Variants in RANBP2 observed in about 807,000 individuals in gnomAD.
RANBP2 encodes RAN binding protein 2, also known as E3 SUMO-protein ligase RanBP2.
A neutral mutation model predicts 303.6 loss-of-function variants in RANBP2; 57 were observed. The ratio of observed to expected loss-of-function variants is 0.19; its 90% CI spans 0.15 to 0.23. RANBP2 has a LOEUF of 0.23. Ranked by LOEUF, RANBP2 falls within the 10% of genes least tolerant of loss-of-function variation. The pLI is 1.00. For synonymous variants in RANBP2, 1,167 were observed against 1,301.5 expected (o/e 0.90, Z 2.23); for missense variants, 3,138 against 3,780.8 (o/e 0.83, Z 4.46).
the RANBP2 span, among the ~76,000 whole-genome samples, chr2:109,308,199 T>C: frequency 9.8e-5 from 13 of 131,984 alleles, 1 homozygote; most frequent in Admixed American, 6.6e-4. Flanking sequence ...TTTCATGTGT[T>C]TTTTGGCTGC....
At chr2:109,148,318 C>T in the RANBP2 span, among the ~76,000 whole-genome samples, 3 of 152,258 alleles carry the variant, frequency 2.0e-5, no homozygotes, top group Admixed American at 2.0e-4. Flanking sequence ...CGGTGTGCTG[C>T]AGCCAGCCCA....
chr2:109,550,533 C>G, the RANBP2 span, among the ~76,000 whole-genome samples: 839 of 152,058 alleles, frequency 5.5e-3, 11 homozygotes, highest in South Asian at 0.056. Context: ...AGGCTGGTCT[C>G]AAACTCCTGA....
the RANBP2 span, among the ~76,000 whole-genome samples, chr2:109,116,288 C>T: frequency 6.6e-6 from 1 of 152,222 alleles, no homozygotes; most frequent in East Asian, 1.9e-4. Flanking sequence ...TAGATTTGGT[C>T]TTTTCACATA....
chr2:109,735,358 T>G, the RANBP2 span, among the ~76,000 whole-genome samples: 1 of 152,232 alleles, frequency 6.6e-6, no homozygotes, highest in South Asian at 2.1e-4. Flanking sequence ...TATGGCTGAA[T>G]AGTATTCTAC....
chr2:109,008,641 A>T, the RANBP2 span, among the ~76,000 whole-genome samples: 2 of 151,408 alleles, frequency 1.3e-5, no homozygotes, highest in Non-Finnish European at 2.9e-5. Context: ...GGTGGCTCAC[A>T]TCTGTAATCC....
At position 108,777,174 on chromosome 2, in the gene RANBP2, C is replaced by T; in HGVS notation, c.8542C>T (p.Leu2848Phe). Reference protein sequence around the residue: ...VSFGFGSSTGLSFADLASSNS... With the variant: ...VSFGFGSSTGFSFADLASSNS... ...ATTTGGATTTGGAAGTAGCACAGGGCTCTCATTTGCAGACTTGGCTTCCAG... is the reference window on the plus strand; with the variant it reads ...ATTTGGATTTGGAAGTAGCACAGGGTTCTCATTTGCAGACTTGGCTTCCAG... Residue 2848 changes from leucine (L) to phenylalanine (F), a missense_variant, in exon 25 of 29, where the codon CTC becomes TTC. Leu to Phe is a conservative substitution (Grantham distance 22). Coordinates refer to ENST00000283195, the MANE Select transcript of RANBP2 (RefSeq NM_006267.5). 3 of 1,613,546 alleles carry T rather than the reference C, an allele frequency of 1.9e-6. No homozygotes were observed. The highest frequency in any genetic ancestry group is 2.5e-6 in the Non-Finnish European group (3 of 1,179,600).
chr2:108,865,704 G>T, the RANBP2 span, among the ~76,000 whole-genome samples: 8 of 152,032 alleles, frequency 5.3e-5, no homozygotes, highest in Non-Finnish European at 1.2e-4. Context: ...ATTTCCTCAG[G>T]CAGTCCCCAT....
the RANBP2 span, among the ~76,000 whole-genome samples, chr2:108,984,651 C>G: frequency 6.6e-6 from 1 of 152,106 alleles, no homozygotes; most frequent in Non-Finnish European, 1.5e-5. Flanking sequence ...CCACTACTAC[C>G]CTGGGCACCT....
chr2:109,708,473 C>T, the RANBP2 span, among the ~76,000 whole-genome samples: 1 of 152,050 alleles, frequency 6.6e-6, no homozygotes, highest in Non-Finnish European at 1.5e-5. Context: ...GCCCGGGCAA[C>T]ATGGCGAAAC....
chr2:109,264,265 C>T, the RANBP2 span, among the ~76,000 whole-genome samples: 2 of 149,050 alleles, frequency 1.3e-5, no homozygotes, highest in Non-Finnish European at 3.0e-5. Context: ...GGATCCACCT[C>T]GAGTCTGTGG....
chr2:109,706,500 ATGCC>A, the RANBP2 span, among the ~76,000 whole-genome samples: 8 of 152,048 alleles, frequency 5.3e-5, no homozygotes, highest in Non-Finnish European at 7.4e-5. Context: ...CTTCCTACTG[ATGCC>A]TGCCCTGACC....
At chr2:109,227,030 A>G in the RANBP2 span, among the ~76,000 whole-genome samples, 1 of 152,134 alleles carries the variant, frequency 6.6e-6, no homozygotes, top group African/African-American at 2.4e-5. Context: ...ATGGTGGCCT[A>G]GCAGCTCCAC....
chr2:109,490,265 G>A, the RANBP2 span, among the ~76,000 whole-genome samples: 1 of 152,298 alleles, frequency 6.6e-6, no homozygotes, highest in South Asian at 2.1e-4. Flanking sequence ...CATGCTTACT[G>A]CTTGACTCCG....
downstream of RANBP2, chr2:108,786,987 G>T: frequency 1.8e-6 from 2 of 1,086,008 alleles, no homozygotes; most frequent in Non-Finnish European, 2.5e-6. Context: ...GCCCCGCGCA[G>T]CCGGCCTGGG....
the RANBP2 span, among the ~76,000 whole-genome samples, chr2:109,602,359 GA>G: frequency 1.3e-5 from 2 of 152,110 alleles, no homozygotes; most frequent in African/African-American, 4.8e-5. Flanking sequence ...AGACCCTGTG[GA>G]ACTAAATCTC....
At chr2:109,371,116 C>T in the RANBP2 span, among the ~76,000 whole-genome samples, 170 of 152,126 alleles carry the variant, frequency 1.1e-3, no homozygotes, top group Non-Finnish European at 2.1e-3. Context: ...TGGCTGGGTT[C>T]GGTGGCTCAC....
chr2:108,811,247 C>CTTTTTTTTTTTTTTTTTTTTTTTTT, the RANBP2 span, among the ~76,000 whole-genome samples: 7 of 113,906 alleles, frequency 6.1e-5, no homozygotes, highest in African/African-American at 1.9e-4. Flanking sequence ...TTCTCTCTCT[C>CTTTTTTTTTTTTTTTTTTTTTTTTT]TTTTTTTTTT....
the RANBP2 span, among the ~76,000 whole-genome samples, chr2:109,126,195 A>C: frequency 6.6e-6 from 1 of 152,162 alleles, no homozygotes; most frequent in Admixed American, 6.5e-5. Context: ...CTGCCCAGTC[A>C]CTGTGGACAT....
At chr2:109,004,689 G>C in the RANBP2 span, among the ~76,000 whole-genome samples, 5 of 152,152 alleles carry the variant, frequency 3.3e-5, no homozygotes, top group East Asian at 9.6e-4. Flanking sequence ...CTTGGTTCTA[G>C]CTCTTACCTC....
Sources: gnomAD v4.1 joint callset for allele counts (sites outside exome capture counted in the v4.1 genomes callset) on GRCh38, gnomAD v4.1.1 for gene constraint, MANE v1.5 for transcripts, NCBI Gene and HGNC (gene_info 2026-07-23, HGNC 2026-07-21) for gene names.